The following GSK3B variants were observed in gnomAD, a reference collection of about 807,000 sequenced individuals.
GSK3B encodes glycogen synthase kinase-3 beta.
Under a neutral mutation model 56.4 loss-of-function variants are expected in GSK3B, and 15 were observed. That is an observed-to-expected ratio of 0.27 (90% CI 0.18 to 0.41). GSK3B has a LOEUF of 0.41. GSK3B is among the 10% of genes least tolerant of loss of function. The pLI, the probability that GSK3B is intolerant of heterozygous loss-of-function variation, is 1.00. For synonymous variants in GSK3B, 181 were observed against 188.9 expected (o/e 0.96, Z 0.34); for missense variants, 300 against 513.4 (o/e 0.58, Z 4.02).
At position 119,916,146 on chromosome 3, in the gene GSK3B, A is replaced by G. The variant is rs2056777855; in HGVS notation, c.506T>C (p.Leu169Ser). 1 of 1,607,418 alleles carries G rather than the reference A, an allele frequency of 6.2e-7. No homozygotes were observed. Among genetic ancestry groups the G allele is most frequent in the African/African-American group, 1.3e-5 (1 of 74,836 alleles). Residue 169 changes from leucine to serine, a missense_variant, in exon 5 of 11, where the codon TTA (leucine) becomes TCA (serine). Leu to Ser is a moderately radical substitution (Grantham distance 145, BLOSUM62 -2). Transcript: ENST00000264235. ...GATTCCAAAGGAATGGATATAGGCT[A>G]AACTTCGGAACAGCTGATACATATA... ...KLYMYQLFRSLAYIHSFGICH... is the reference protein window; with the variant it reads ...KLYMYQLFRSSAYIHSFGICH...
At chr3:120,084,590 G>T (rs1229424198) in intron 1 of GSK3B, 1 of 152,166 alleles carries the variant, frequency 6.6e-6, no homozygotes, top group African/African-American at 2.4e-5. Context: ...GAAGTAAAAG[G>T]CACAGGCTTC....
At chr3:119,975,160 C>G (rs1463156987) in intron 2 of GSK3B, among the ~76,000 whole-genome samples, 2 of 152,056 alleles carry the variant, frequency 1.3e-5, no homozygotes, top group African/African-American at 2.4e-5. Context: ...AAGAAATGAG[C>G]TATCGGCTGG....
At chr3:120,024,838 G>A (rs1279516881) in intron 1 of GSK3B, among the ~76,000 whole-genome samples, 2 of 152,098 alleles carry the variant, frequency 1.3e-5, no homozygotes, top group Non-Finnish European at 2.9e-5. Flanking sequence ...AGTGGGAAGC[G>A]ATAACATTAA....
At position 120,009,111 on chromosome 3, in the gene GSK3B, A is replaced by G. The variant is rs184991102; in HGVS notation, c.89-6872T>C. 8.5e-5 allele frequency among the ~76,000 whole-genome samples: 13 copies of G among 152,376 alleles called. 1 individual carries two copies. The East Asian group carries it at 2.5e-3, about 29-fold the overall frequency. On this transcript the variant is annotated intron_variant, in intron 1 of 10. Coordinates refer to ENST00000264235, the MANE Select transcript of GSK3B (RefSeq NM_001146156.2). ...CTCATCGTCACTGGTTATTAGAGAA[A>G]TGCAAATCAGAACCACAATGAGATA...
intron 7 of GSK3B, among the ~76,000 whole-genome samples, chr3:119,901,989 A>G (rs570148523): frequency 3.2e-4 from 28 of 88,488 alleles, no homozygotes; most frequent in Non-Finnish European, 5.5e-4. Flanking sequence ...AAGAAAATGA[A>G]AAGAAAGCAG....
chr3:119,972,548 G>A (rs2057377410), intron 2 of GSK3B, among the ~76,000 whole-genome samples: 1 of 152,106 alleles, frequency 6.6e-6, no homozygotes, highest in African/African-American at 2.4e-5. Flanking sequence ...CCACCCTCCT[G>A]CCTCAGCCTC....
chr3:119,925,779 C>T (rs1017000008), intron 3 of GSK3B, among the ~76,000 whole-genome samples: 7 of 152,052 alleles, frequency 4.6e-5, no homozygotes, highest in Admixed American at 1.3e-4. Context: ...CTGGCTTTCT[C>T]CAGTTCCTCT....
At chr3:119,928,604 C>G (rs1576206462) in intron 3 of GSK3B, among the ~76,000 whole-genome samples, 3 of 28,638 alleles carry the variant, frequency 1.0e-4, no homozygotes, top group Non-Finnish European at 2.3e-4. Context: ...GACTCCATAT[C>G]AAAAAAATAA....
At chr3:119,938,081 C>T (rs534392750) in intron 3 of GSK3B, among the ~76,000 whole-genome samples, 4 of 151,902 alleles carry the variant, frequency 2.6e-5, no homozygotes, top group Middle Eastern at 3.4e-3. Context: ...ATGAAACAGA[C>T]GATCTTAACA....
intron 7 of GSK3B, among the ~76,000 whole-genome samples, chr3:119,888,613 T>C (rs1361797639): frequency 6.6e-6 from 1 of 152,026 alleles, no homozygotes; most frequent in Non-Finnish European, 1.5e-5. Context: ...CGGTGCACCT[T>C]GAAAAAGAAC....
chr3:120,025,130 G>A (rs1056975630), intron 1 of GSK3B, among the ~76,000 whole-genome samples: 3 of 152,026 alleles, frequency 2.0e-5, no homozygotes, highest in Non-Finnish European at 4.4e-5. Flanking sequence ...AGACGGAGGC[G>A]GGCAGATCAC....
intron 2 of GSK3B, among the ~76,000 whole-genome samples, chr3:119,952,806 C>T (rs1269825173): frequency 2.0e-5 from 3 of 151,806 alleles, no homozygotes; most frequent in African/African-American, 4.8e-5. Context: ...AAGACATCCT[C>T]ACACTTAAAA....
At chr3:120,037,881 T>A (rs1018932731) in intron 1 of GSK3B, among the ~76,000 whole-genome samples, 2 of 152,158 alleles carry the variant, frequency 1.3e-5, no homozygotes, top group Non-Finnish European at 2.9e-5. Context: ...GTTAACACTA[T>A]TATATTTTCC....
At chr3:119,888,859 T>C (rs2056469361) in intron 7 of GSK3B, among the ~76,000 whole-genome samples, 1 of 152,002 alleles carries the variant, frequency 6.6e-6, no homozygotes, top group Admixed American at 6.6e-5. Flanking sequence ...TCTTATGCCA[T>C]AGAGATAAGG....
At chr3:120,001,427 G>A (rs890118425) in intron 2 of GSK3B, among the ~76,000 whole-genome samples, 7 of 152,120 alleles carry the variant, frequency 4.6e-5, no homozygotes, top group African/African-American at 1.4e-4. Context: ...TCATGCTCTC[G>A]CTCAGCTCTT....
intron 1 of GSK3B, among the ~76,000 whole-genome samples, chr3:120,046,775 A>AT (rs534938381): frequency 3.1e-3 from 469 of 151,930 alleles, no homozygotes; most frequent in Non-Finnish European, 5.6e-3. Flanking sequence ...TGCCCAGCTA[A>AT]TTTTTTTGTA....
chr3:119,944,221 A>G (rs1382288816), intron 3 of GSK3B, among the ~76,000 whole-genome samples: 4 of 152,098 alleles, frequency 2.6e-5, no homozygotes, highest in African/African-American at 9.7e-5. Context: ...TCATGTTCTT[A>G]TCACTGATCT....
intron 7 of GSK3B, among the ~76,000 whole-genome samples, chr3:119,897,654 G>A (rs1340306773): frequency 2.6e-5 from 4 of 151,814 alleles, no homozygotes; most frequent in Non-Finnish European, 4.4e-5. Flanking sequence ...AAACTATTAA[G>A]AGCTGCTGCT....
At chr3:119,880,288 G>A (rs1186399244) in intron 7 of GSK3B, among the ~76,000 whole-genome samples, 2 of 152,130 alleles carry the variant, frequency 1.3e-5, no homozygotes, top group African/African-American at 4.8e-5. Flanking sequence ...TGTCTATTCA[G>A]ATCTTTTGTC....
Sources: gnomAD v4.1 joint callset for allele counts (sites outside exome capture counted in the v4.1 genomes callset) on GRCh38, gnomAD v4.1.1 for gene constraint, MANE v1.5 for transcripts, NCBI Gene and HGNC (gene_info 2026-07-23, HGNC 2026-07-21) for gene names.